Variants in FNDC3B observed in about 807,000 individuals in gnomAD.
The protein encoded by FNDC3B is fibronectin type III domain containing 3B, also known as fibronectin type III domain-containing protein 3B.
Under a neutral mutation model 151.5 loss-of-function variants are expected in FNDC3B, and 12 were observed. The observed-to-expected ratio is 0.08, with a 90% CI of 0.05 to 0.13. FNDC3B has a LOEUF of 0.13. Ranked by LOEUF, FNDC3B falls within the 10% of genes least tolerant of loss-of-function variation. The pLI, the probability that FNDC3B is intolerant of heterozygous loss-of-function variation, is 1.00. For missense variants in FNDC3B, 1,214 were observed against 1,505.3 expected (o/e 0.81, Z 3.20); for synonymous variants, 528 against 549.0 (o/e 0.96, Z 0.54).
intron 3 of FNDC3B, among the ~76,000 whole-genome samples, chr3:172,177,627 T>C (rs1263189830): frequency 2.6e-5 from 1 of 38,326 alleles, no homozygotes; most frequent in African/African-American, 8.7e-5. Context: ...TACCACCATC[T>C]TTTTTTTTTT....
At chr3:172,075,545 G>A (rs1437763907) in intron 1 of FNDC3B, among the ~76,000 whole-genome samples, 1 of 151,944 alleles carries the variant, frequency 6.6e-6, no homozygotes, top group African/African-American at 2.4e-5. Context: ...CCTTGGCAGT[G>A]GATATTGACC....
intron 4 of FNDC3B, among the ~76,000 whole-genome samples, chr3:172,238,506 G>T (rs1253850985): frequency 6.6e-6 from 1 of 152,102 alleles, no homozygotes; most frequent in African/African-American, 2.4e-5. Flanking sequence ...TAAAATGTTT[G>T]ACCACTTAGT....
chr3:172,276,703 A>G (rs1479918269), intron 6 of FNDC3B, among the ~76,000 whole-genome samples: 2 of 152,246 alleles, frequency 1.3e-5, no homozygotes, highest in Non-Finnish European at 2.9e-5. Context: ...TGGGAAGTAT[A>G]TCTGTAAACA....
intron 4 of FNDC3B, among the ~76,000 whole-genome samples, chr3:172,247,284 C>A (rs188489980): frequency 1.3e-4 from 20 of 152,284 alleles, no homozygotes; most frequent in South Asian, 8.3e-4. Flanking sequence ...ATACTGGTCT[C>A]TCCAAAAAGT....
intron 1 of FNDC3B, among the ~76,000 whole-genome samples, chr3:172,048,548 G>A (rs1256955362): frequency 6.6e-6 from 1 of 152,114 alleles, no homozygotes; most frequent in East Asian, 1.9e-4. Context: ...CAGTTCTGTA[G>A]TTCATAAATA....
intron 3 of FNDC3B, among the ~76,000 whole-genome samples, chr3:172,198,269 TG>T (rs1468712644): frequency 9.2e-5 from 14 of 152,036 alleles, no homozygotes; most frequent in Admixed American, 6.6e-5. Flanking sequence ...CCAAGATCTG[TG>T]GGGGGGTACA....
chr3:172,134,947 C>T (rs73880107), intron 3 of FNDC3B, among the ~76,000 whole-genome samples: 32,190 of 150,614 alleles, frequency 0.21, 3,673 homozygotes, highest in African/African-American at 0.26. Flanking sequence ...AAACAGATAC[C>T]GTGAACAATT....
chr3:172,161,991 G>GT (rs1415877510), intron 3 of FNDC3B, among the ~76,000 whole-genome samples: 42 of 146,814 alleles, frequency 2.9e-4, no homozygotes, highest in Non-Finnish European at 4.4e-4. Flanking sequence ...TTTTTTTTTG[G>GT]GGGGGGACAG....
intron 1 of FNDC3B, among the ~76,000 whole-genome samples, chr3:172,066,211 G>T (rs1219204617): frequency 6.6e-6 from 1 of 152,198 alleles, no homozygotes; most frequent in East Asian, 1.9e-4. Flanking sequence ...GGGTAATGAT[G>T]ACGTTTGGGT....
At chr3:172,106,536 A>G (rs928652039) in intron 1 of FNDC3B, among the ~76,000 whole-genome samples, 2 of 152,180 alleles carry the variant, frequency 1.3e-5, no homozygotes, top group Non-Finnish European at 2.9e-5. Flanking sequence ...TGCGTACTGT[A>G]CTGCTAACTC....
chr3:172,136,452 G>C (rs1663765252), intron 3 of FNDC3B, among the ~76,000 whole-genome samples: 1 of 152,202 alleles, frequency 6.6e-6, no homozygotes, highest in Non-Finnish European at 1.5e-5. Context: ...GGGTGGCTCA[G>C]CTTCCAGGTG....
chr3:172,042,100 G>T (rs1182417266), intron 1 of FNDC3B, among the ~76,000 whole-genome samples: 1 of 152,190 alleles, frequency 6.6e-6, no homozygotes, highest in Non-Finnish European at 1.5e-5. Flanking sequence ...CATCTGTAAG[G>T]ATAGCGTTCA....
chr3:172,301,285 A>G (rs1244452670), intron 9 of FNDC3B, among the ~76,000 whole-genome samples: 2 of 152,254 alleles, frequency 1.3e-5, no homozygotes, highest in African/African-American at 4.8e-5. Flanking sequence ...GGACTTAATG[A>G]TGCAAGTTCT....
At chr3:172,265,176 T>G (rs1377729046) in intron 6 of FNDC3B, among the ~76,000 whole-genome samples, 2 of 152,216 alleles carry the variant, frequency 1.3e-5, no homozygotes, top group African/African-American at 4.8e-5. Flanking sequence ...TCAAAAATAG[T>G]TGAAATTTTA....
At chr3:172,075,616 T>C (rs1439182770) in intron 1 of FNDC3B, among the ~76,000 whole-genome samples, 1 of 152,108 alleles carries the variant, frequency 6.6e-6, no homozygotes, top group African/African-American at 2.4e-5. Flanking sequence ...CATTTTTATA[T>C]TGAGCCTAAA....
At chr3:172,216,638 A>C (rs111410533) in intron 3 of FNDC3B, among the ~76,000 whole-genome samples, 5 of 152,144 alleles carry the variant, frequency 3.3e-5, no homozygotes, top group African/African-American at 7.2e-5. Context: ...ATGCCATTGC[A>C]CTGCAGCCTG....
intron 3 of FNDC3B, among the ~76,000 whole-genome samples, chr3:172,218,160 G>C (rs1032489511): frequency 7.3e-5 from 10 of 136,590 alleles, no homozygotes; most frequent in Middle Eastern, 3.9e-3. Flanking sequence ...AAAAAAAAAA[G>C]GGCTGGTCCT....
At chr3:172,269,631 T>G (rs1162282994) in intron 6 of FNDC3B, among the ~76,000 whole-genome samples, 1 of 151,320 alleles carries the variant, frequency 6.6e-6, no homozygotes, top group South Asian at 2.1e-4. Flanking sequence ...TTTTTTTGTT[T>G]GTTGTTTTGT....
chr3:172,253,647 C>T (rs571694779), intron 6 of FNDC3B, among the ~76,000 whole-genome samples: 2 of 152,292 alleles, frequency 1.3e-5, no homozygotes, highest in South Asian at 4.1e-4. Context: ...CTAATAGGTT[C>T]ATATGTGGTT....
Sources: allele counts gnomAD v4.1 joint callset (sites outside exome capture counted in the v4.1 genomes callset), GRCh38; gene constraint gnomAD v4.1.1; transcripts MANE v1.5; gene names NCBI Gene and HGNC (gene_info 2026-07-23, HGNC 2026-07-21).